The following ARRDC5 variants were observed in gnomAD, a reference collection of about 807,000 sequenced individuals.
ARRDC5 encodes arrestin domain containing 5, also known as arrestin domain-containing protein 5.
A neutral mutation model predicts 13.3 loss-of-function variants in ARRDC5; 12 were observed. The observed-to-expected ratio is 0.90, with a 90% CI of 0.58 to 1.46. ARRDC5 has a LOEUF of 1.46. ARRDC5 is among the 40% of genes most tolerant of loss of function. The pLI is 0.00. For synonymous variants in ARRDC5, 181 were observed against 173.4 expected, an observed-to-expected ratio of 1.04 and a Z score of -0.34; for missense variants, 406 against 418.7, an observed-to-expected ratio of 0.97 and a Z score of 0.26.
At chr19:4,904,138 C>A (rs1358876386), upstream of ARRDC5, among the ~76,000 whole-genome samples, 1 of 151,522 alleles carries the variant, frequency 6.6e-6, no homozygotes, top group African/African-American at 2.4e-5. Flanking sequence ...GTTACAGGCA[C>A]CTGCCCCCGT....
At chr19:4,907,235 G>A (rs1185141434), upstream of ARRDC5, among the ~76,000 whole-genome samples, 1 of 152,074 alleles carries the variant, frequency 6.6e-6, no homozygotes, top group Non-Finnish European at 1.5e-5. Flanking sequence ...TCAATCTCCT[G>A]AGTAGCTGGG....
the ARRDC5 span, among the ~76,000 whole-genome samples, chr19:4,913,225 G>A: frequency 8.9e-5 from 13 of 145,846 alleles, no homozygotes; most frequent in East Asian, 6.0e-4. Flanking sequence ...ACAGGAACAC[G>A]TATGTTAATT....
chr19:4,894,731 AGAG>A (rs2031653658), intron 2 of ARRDC5, among the ~76,000 whole-genome samples: 1 of 91,838 alleles, frequency 1.1e-5, no homozygotes, highest in African/African-American at 3.4e-5. Context: ...AAGAAGAAGA[AGAG>A]GAAGAGGAAG....
intron 1 of ARRDC5, among the ~76,000 whole-genome samples, chr19:4,900,143 CTTTTTTTTTTTT>C (rs35303447): frequency 2.4e-5 from 2 of 84,218 alleles, no homozygotes; most frequent in Non-Finnish European, 4.1e-5. Context: ...CTGTTTCTTT[CTTTTTTTTTTTT>C]TTTTTTTTTT....
chr19:4,899,764 C>CAAAAAAAAAAA (rs1217500792), intron 1 of ARRDC5, among the ~76,000 whole-genome samples: 1 of 67,976 alleles, frequency 1.5e-5, no homozygotes, highest in Non-Finnish European at 2.8e-5. Flanking sequence ...CCCGTCTCTA[C>CAAAAAAAAAAA]AAAAAAAAAA....
the ARRDC5 span, chr19:4,909,882 C>A: frequency 2.1e-5 from 8 of 376,434 alleles, no homozygotes; most frequent in African/African-American, 4.2e-5. Flanking sequence ...GGGGGTCGAG[C>A]GCGCCGGGTG....
upstream of ARRDC5, among the ~76,000 whole-genome samples, chr19:4,906,576 A>G (rs1468746721): frequency 6.6e-6 from 1 of 152,126 alleles, no homozygotes; most frequent in Non-Finnish European, 1.5e-5. Flanking sequence ...CAATGTGGTG[A>G]AACCCCATCT....
chr19:4,909,589 G>A, the ARRDC5 span: 10 of 650,456 alleles, frequency 1.5e-5, no homozygotes, highest in Admixed American at 2.4e-4. Context: ...CCACGCACGC[G>A]GTTTCATCGC....
chr19:4,915,665 C>G, the ARRDC5 span, among the ~76,000 whole-genome samples: 2 of 152,054 alleles, frequency 1.3e-5, no homozygotes, highest in South Asian at 2.1e-4. Context: ...AGCTGAGATC[C>G]CACCACTGCA....
chr19:4,916,457 G>C, the ARRDC5 span, among the ~76,000 whole-genome samples: 1 of 152,150 alleles, frequency 6.6e-6, no homozygotes, highest in Non-Finnish European at 1.5e-5. Context: ...ACCGCAAGAG[G>C]GAAAGTGGCA....
chr19:4,903,866 T>G (rs1401612547), upstream of ARRDC5, among the ~76,000 whole-genome samples: 1 of 152,192 alleles, frequency 6.6e-6, no homozygotes, highest in African/African-American at 2.4e-5. Flanking sequence ...GGAAAAAACA[T>G]AGAGATATGG....
chr19:4,902,913 T>G, upstream of ARRDC5: 1 of 1,590,058 alleles, frequency 6.3e-7, no homozygotes, highest in Non-Finnish European at 8.6e-7. Context: ...GTAATCCATC[T>G]ATGACATCAC....
Position 4,896,701 on chromosome 19 carries a change from A to G in ARRDC5, c.429T>C (p.Thr143=), listed in dbSNP as rs370924190. Residue 143 remains threonine (T), a synonymous_variant, in exon 2 of 3, where the codon ACT becomes ACC. Transcript: ENST00000650722. ...ATGGGGTTTCTTTGTGGAAGGTGGA[A>G]GTTCCTTGAACCAATAAGTACATCC... ...KKRMYLLVQG[T]STFHKETPFQ... The G allele has an allele frequency of 1.2e-6, 2 of 1,613,342 alleles. No homozygotes were observed. The highest frequency in any genetic ancestry group is 1.7e-5 in the Admixed American group (1 of 59,938).
chr19:4,901,606 T>A (rs555490604), intron 1 of ARRDC5, among the ~76,000 whole-genome samples: 9 of 152,220 alleles, frequency 5.9e-5, no homozygotes, highest in Middle Eastern at 3.4e-3. Flanking sequence ...AGGGCGAGAC[T>A]GTGTCTCAAA....
At chr19:4,901,767 A>G (rs891341700) in intron 1 of ARRDC5, among the ~76,000 whole-genome samples, 2 of 152,140 alleles carry the variant, frequency 1.3e-5, no homozygotes, top group East Asian at 1.9e-4. Flanking sequence ...TGCAATGGAC[A>G]TATAATTTCC....
intron 2 of ARRDC5, among the ~76,000 whole-genome samples, chr19:4,895,315 C>T (rs1336010012): frequency 6.8e-6 from 1 of 146,106 alleles, no homozygotes; most frequent in African/African-American, 2.5e-5. Context: ...CCCAGCTACT[C>T]GGGAGGATGA....
the ARRDC5 span, among the ~76,000 whole-genome samples, chr19:4,914,505 G>T: frequency 2.0e-5 from 3 of 152,228 alleles, no homozygotes; most frequent in East Asian, 3.9e-4. Flanking sequence ...GGAATATGGA[G>T]GATCTCGTGG....
the ARRDC5 span, among the ~76,000 whole-genome samples, chr19:4,915,430 A>C: frequency 6.6e-6 from 1 of 152,178 alleles, no homozygotes; most frequent in South Asian, 2.1e-4. Context: ...AAAAACAGGT[A>C]TGGCGGGGCC....
chr19:4,901,706 C>T (rs2031921547), intron 1 of ARRDC5, among the ~76,000 whole-genome samples: 1 of 152,036 alleles, frequency 6.6e-6, no homozygotes, highest in Admixed American at 6.6e-5. Context: ...GTGTTGGCCA[C>T]GTGTTCTGCT....
Sources: allele counts gnomAD v4.1 joint callset (sites outside exome capture counted in the v4.1 genomes callset), GRCh38; gene constraint gnomAD v4.1.1; transcripts MANE v1.5; gene names NCBI Gene and HGNC (gene_info 2026-07-23, HGNC 2026-07-21).